Variants in ACTR3C observed in about 807,000 individuals in gnomAD.
ACTR3C encodes the protein actin-related protein 3C.
A neutral mutation model predicts 26.3 loss-of-function variants in ACTR3C; 18 were observed. The observed-to-expected ratio is 0.68, with a 90% CI of 0.47 to 1.01. ACTR3C has a LOEUF of 1.01. Ranked by LOEUF, ACTR3C falls within the 50% of genes least tolerant of loss-of-function variation. The pLI is 0.00. For missense variants in ACTR3C, 184 were observed against 250.7 expected, an observed-to-expected ratio of 0.73 and a Z score of 1.80; for synonymous variants, 55 against 94.5, an observed-to-expected ratio of 0.58 and a Z score of 2.42.
rs1357666997 is a variant in ACTR3C at position 150,282,857 on chromosome 7, C to T, written c.564+1896G>A. Among the ~76,000 whole-genome samples, 3 of 146,800 alleles carry T rather than the reference C, an allele frequency of 2.0e-5. 1 individual carries two copies. Among genetic ancestry groups the T allele is most frequent in the African/African-American group, 8.2e-5 (3 of 36,798 alleles). ...CGCCACTGCACTCCAGCACGGGCAACAAAAAGAAGAATCCTCTTCCCTCCG... is the reference window on the plus strand; with the variant it reads ...CGCCACTGCACTCCAGCACGGGCAATAAAAAGAAGAATCCTCTTCCCTCCG... On this transcript the variant is annotated intron_variant, in intron 6 of 7. Transcript: ENST00000683684.
At chr7:150,017,947 C>T in the ACTR3C span, among the ~76,000 whole-genome samples, 1 of 150,232 alleles carries the variant, frequency 6.7e-6, no homozygotes, top group Non-Finnish European at 1.5e-5. Flanking sequence ...TGATTTCTTG[C>T]AAGCAAAGGC....
chr7:149,989,659 C>T, the ACTR3C span, among the ~76,000 whole-genome samples: 193 of 152,314 alleles, frequency 1.3e-3, 1 homozygote, highest in African/African-American at 4.3e-3. Context: ...ATACACCACA[C>T]GTTTCTTATC....
chr7:149,960,139 C>T, the ACTR3C span, among the ~76,000 whole-genome samples: 1 of 152,000 alleles, frequency 6.6e-6, no homozygotes. Flanking sequence ...TCTCAAGGTT[C>T]TATTATTAAC....
At chr7:149,984,983 A>T in the ACTR3C span, among the ~76,000 whole-genome samples, 8 of 152,148 alleles carry the variant, frequency 5.3e-5, no homozygotes, top group African/African-American at 1.9e-4. Flanking sequence ...CCTTATGCCT[A>T]AAAATATTTT....
the ACTR3C span, among the ~76,000 whole-genome samples, chr7:150,038,358 G>A: frequency 2.1e-5 from 3 of 143,352 alleles, no homozygotes; most frequent in East Asian, 3.9e-4. Flanking sequence ...TCTCTCTGAC[G>A]CATACAATGG....
At chr7:150,041,032 G>T in the ACTR3C span, among the ~76,000 whole-genome samples, 1 of 150,766 alleles carries the variant, frequency 6.6e-6, no homozygotes, top group East Asian at 1.9e-4. Flanking sequence ...CTCAGCCAGG[G>T]CCCCACAGTT....
chr7:149,999,071 C>T, the ACTR3C span, among the ~76,000 whole-genome samples: 11 of 150,562 alleles, frequency 7.3e-5, no homozygotes, highest in African/African-American at 2.7e-4. Context: ...GCACTAGCTG[C>T]GTGCTCCTGG....
the ACTR3C span, among the ~76,000 whole-genome samples, chr7:150,226,334 T>C: frequency 1.3e-5 from 2 of 152,226 alleles, no homozygotes; most frequent in Admixed American, 6.5e-5. Flanking sequence ...TGATTGCTCC[T>C]ATTGCTCTGC....
the ACTR3C span, among the ~76,000 whole-genome samples, chr7:149,979,580 C>G: frequency 6.6e-6 from 1 of 152,116 alleles, no homozygotes; most frequent in South Asian, 2.1e-4. Context: ...GTGTCTTGTA[C>G]CTTGATCTTT....
the ACTR3C span, among the ~76,000 whole-genome samples, chr7:149,933,994 G>A: frequency 1.3e-5 from 2 of 149,908 alleles, no homozygotes; most frequent in Admixed American, 6.7e-5. Context: ...AGATTCCGGT[G>A]TTAAGTTCCA....
the ACTR3C span, among the ~76,000 whole-genome samples, chr7:150,038,878 G>C: frequency 8.8e-6 from 1 of 114,228 alleles, no homozygotes; most frequent in Non-Finnish European, 1.9e-5. Context: ...TCCCTGCCTC[G>C]CGGGGGGTGC....
chr7:150,033,204 T>TG, the ACTR3C span, among the ~76,000 whole-genome samples: 1 of 152,110 alleles, frequency 6.6e-6, no homozygotes, highest in East Asian at 1.9e-4. Context: ...AACAACTCGG[T>TG]GGGTTTTCCC....
chr7:150,167,498 T>G, the ACTR3C span, among the ~76,000 whole-genome samples: 1 of 150,866 alleles, frequency 6.6e-6, no homozygotes. Context: ...GTCTCAAGAG[T>G]GTAAACACAT....
intron 6 of ACTR3C, among the ~76,000 whole-genome samples, chr7:150,280,177 G>C (rs1937172267): frequency 6.6e-6 from 1 of 152,106 alleles, no homozygotes; most frequent in South Asian, 2.1e-4. Context: ...GCTCCACCCA[G>C]CCCAAGCCCA....
At chr7:150,166,803 TC>T in the ACTR3C span, among the ~76,000 whole-genome samples, 2 of 150,608 alleles carry the variant, frequency 1.3e-5, no homozygotes, top group Non-Finnish European at 2.9e-5. Flanking sequence ...TCTCTTCATG[TC>T]CCCTCAACAC....
intron 6 of ACTR3C, among the ~76,000 whole-genome samples, chr7:150,270,430 GAGA>G (rs1563164321): frequency 6.6e-6 from 1 of 150,624 alleles, no homozygotes; most frequent in African/African-American, 2.5e-5. Flanking sequence ...CCATTCTGCC[GAGA>G]AGGACGCTGA....
the ACTR3C span, among the ~76,000 whole-genome samples, chr7:149,896,348 A>G: frequency 6.6e-6 from 1 of 152,270 alleles, no homozygotes; most frequent in African/African-American, 2.4e-5. Context: ...ACTTGAGGAA[A>G]GTTATTATTA....
At chr7:149,935,504 C>T in the ACTR3C span, among the ~76,000 whole-genome samples, 11 of 150,070 alleles carry the variant, frequency 7.3e-5, no homozygotes, top group African/African-American at 2.5e-4. Flanking sequence ...TGGGTTCAAG[C>T]GATTCTCCCG....
chr7:150,257,121 G>A (rs1323012365), intron 6 of ACTR3C, among the ~76,000 whole-genome samples: 2 of 152,192 alleles, frequency 1.3e-5, no homozygotes, highest in Non-Finnish European at 2.9e-5. Flanking sequence ...AAATGAGTAT[G>A]TAACATATCA....
Sources: allele counts gnomAD v4.1 joint callset (sites outside exome capture counted in the v4.1 genomes callset), GRCh38; gene constraint gnomAD v4.1.1; transcripts MANE v1.5; gene names NCBI Gene and HGNC (gene_info 2026-07-23, HGNC 2026-07-21).